Variants in KAZN observed in about 807,000 individuals in gnomAD.
KAZN encodes kazrin.
A neutral mutation model predicts 87.4 loss-of-function variants in KAZN; 40 were observed. The ratio of observed to expected loss-of-function variants is 0.46; its 90% confidence interval spans 0.36 to 0.60. KAZN has a LOEUF of 0.60. Among genes scored for constraint, KAZN ranks in the 20% least tolerant of loss-of-function variants. KAZN has a pLI of 0.00. For synonymous variants in KAZN, 466 were observed against 458.3 expected (o/e 1.02, Z -0.22); for missense variants, 898 against 1,073.9 (o/e 0.84, Z 2.29).
chr1:14,675,587 C>T (rs552990954), intron 1 of KAZN, among the ~76,000 whole-genome samples: 1 of 152,278 alleles, frequency 6.6e-6, no homozygotes, highest in African/African-American at 2.4e-5. Context: ...TCTACCATCT[C>T]ATTTCTTTAT....
chr1:13,942,654 C>G (rs959641232), intron 1 of KAZN, among the ~76,000 whole-genome samples: 6 of 151,152 alleles, frequency 4.0e-5, no homozygotes, highest in Non-Finnish European at 8.8e-5. Flanking sequence ...AAAAAACAAT[C>G]TCAGGCACGC....
At chr1:14,840,033 C>G (rs1029138564) in intron 1 of KAZN, among the ~76,000 whole-genome samples, 4 of 152,026 alleles carry the variant, frequency 2.6e-5, no homozygotes, top group African/African-American at 4.8e-5. Context: ...CCAACCCACC[C>G]CCACCCCGCT....
intron 2 of KAZN, among the ~76,000 whole-genome samples, chr1:14,977,042 G>C (rs1384200584): frequency 6.6e-6 from 1 of 152,182 alleles, no homozygotes; most frequent in Non-Finnish European, 1.5e-5. Context: ...GCGACAGTGT[G>C]AGACTCCATC....
intron 1 of KAZN, among the ~76,000 whole-genome samples, chr1:14,057,183 G>A (rs556978653): frequency 4.7e-5 from 7 of 149,450 alleles, no homozygotes; most frequent in Non-Finnish European, 1.0e-4. Flanking sequence ...TTTCTAGGCT[G>A]GAGTACAGTG....
At chr1:14,972,911 T>C (rs1012356841) in intron 2 of KAZN, among the ~76,000 whole-genome samples, 1 of 151,626 alleles carries the variant, frequency 6.6e-6, no homozygotes, top group African/African-American at 2.4e-5. Context: ...AGAGGGGGTG[T>C]GGGGAACAGG....
At chr1:14,025,353 C>T (rs1641024747) in intron 1 of KAZN, among the ~76,000 whole-genome samples, 1 of 152,186 alleles carries the variant, frequency 6.6e-6, no homozygotes, top group Admixed American at 6.5e-5. Flanking sequence ...TGTGTCTCTG[C>T]CTCTTCGTTA....
intron 1 of KAZN, among the ~76,000 whole-genome samples, chr1:14,091,354 C>T (rs1340539704): frequency 6.6e-6 from 1 of 152,100 alleles, no homozygotes; most frequent in Non-Finnish European, 1.5e-5. Context: ...TCCTTCTCCT[C>T]TTCTCTTAAG....
Position 14,326,574 on chromosome 1 carries a change from TC to T in KAZN, c.249+145984del, listed in dbSNP as rs201419668. 1.3e-4 allele frequency among the ~76,000 whole-genome samples: 20 copies of T among 152,198 alleles called. No homozygotes were observed. The East Asian group carries it at 3.7e-3, about 28-fold the overall frequency. ...CTCAAAGCCCTCCAATGGTTCCCCA[TC>T]CTACTCAAAATAAAATTCCAAATCC... is the stretch of plus-strand genomic sequence containing the variant. On this transcript the variant is annotated intron_variant, in intron 2 of 16. Transcript: ENST00000636203.
intron 2 of KAZN, among the ~76,000 whole-genome samples, chr1:14,461,435 GCCA>G (rs926355506): frequency 2.0e-5 from 3 of 152,130 alleles, no homozygotes; most frequent in African/African-American, 7.2e-5. Flanking sequence ...TGTCTTGTCT[GCCA>G]CCATGTAAGT....
chr1:14,394,145 A>T (rs1662694613), intron 2 of KAZN, among the ~76,000 whole-genome samples: 2 of 152,224 alleles, frequency 1.3e-5, no homozygotes, highest in African/African-American at 4.8e-5. Flanking sequence ...CAGCAGTACA[A>T]AGGTGGGCTT....
intron 1 of KAZN, among the ~76,000 whole-genome samples, chr1:14,791,783 G>A (rs1645682211): frequency 6.6e-6 from 1 of 152,216 alleles, no homozygotes; most frequent in African/African-American, 2.4e-5. Context: ...GAGGTGCTAG[G>A]GCAGCAGGCA....
intron 1 of KAZN, among the ~76,000 whole-genome samples, chr1:14,077,023 G>T (rs546713114): frequency 6.6e-6 from 1 of 152,132 alleles, no homozygotes; most frequent in Non-Finnish European, 1.5e-5. Flanking sequence ...TAGGGTCCCC[G>T]TTCTCAGCCC....
intron 2 of KAZN, among the ~76,000 whole-genome samples, chr1:14,433,752 C>A (rs775212540): frequency 6.6e-6 from 1 of 152,142 alleles, no homozygotes; most frequent in Admixed American, 6.5e-5. Flanking sequence ...CCCAGCTACT[C>A]GGGAGGCTAA....
At chr1:14,814,573 A>G (rs1223598631) in intron 1 of KAZN, among the ~76,000 whole-genome samples, 1 of 152,192 alleles carries the variant, frequency 6.6e-6, no homozygotes, top group African/African-American at 2.4e-5. Flanking sequence ...CTGAGCACAG[A>G]CAAACAGGAG....
intron 2 of KAZN, among the ~76,000 whole-genome samples, chr1:14,345,752 A>C (rs1205116262): frequency 6.6e-6 from 1 of 152,218 alleles, no homozygotes; most frequent in Non-Finnish European, 1.5e-5. Context: ...TAAGTGGATC[A>C]ATACTCACCA....
chr1:14,221,343 C>G (rs1647092717), intron 2 of KAZN, among the ~76,000 whole-genome samples: 1 of 151,934 alleles, frequency 6.6e-6, no homozygotes, highest in African/African-American at 2.4e-5. Context: ...TGGTCCCTGC[C>G]CCTGGAGTCT....
chr1:14,477,464 TTCTCTCTCTC>T (rs1199519230), intron 2 of KAZN, among the ~76,000 whole-genome samples: 1 of 135,510 alleles, frequency 7.4e-6, no homozygotes, highest in African/African-American at 3.2e-5. Context: ...CTCTCTCTCT[TTCTCTCTCTC>T]TCTCTCCAGT....
rs77997442 is a variant in KAZN, at chr1:14,209,205, C to A, written c.249+28613C>A. On this transcript the variant is annotated intron_variant, in intron 2 of 16. Transcript: ENST00000636203. Reference sequence around the variant, plus strand: ...ATCACAGCAAAGGAAAAAAAGAGAACCTTTCAGGAATACCTCAAGATTTTT... The same window carrying A: ...ATCACAGCAAAGGAAAAAAAGAGAAACTTTCAGGAATACCTCAAGATTTTT... 8.7e-3 allele frequency among the ~76,000 whole-genome samples: 1,324 copies of A among 152,314 alleles called. 17 individuals are homozygous for A. Among genetic ancestry groups the A allele is most frequent in the African/African-American group, 0.03 (1,260 of 41,582 alleles).
At chr1:14,552,443 G>T (rs1205828600) in intron 2 of KAZN, among the ~76,000 whole-genome samples, 4 of 152,344 alleles carry the variant, frequency 2.6e-5, no homozygotes, top group African/African-American at 9.6e-5. Flanking sequence ...CCGGCAACCG[G>T]CAGTCTGATT....
Sources: allele counts gnomAD v4.1 joint callset (sites outside exome capture counted in the v4.1 genomes callset), GRCh38; gene constraint gnomAD v4.1.1; transcripts MANE v1.5; gene names NCBI Gene and HGNC (gene_info 2026-07-23, HGNC 2026-07-21).